Variants in ADGRL2 observed in about 807,000 individuals in gnomAD.
The protein encoded by ADGRL2 is adhesion G protein-coupled receptor L2.
In ADGRL2, 44 loss-of-function variants were observed where a neutral mutation model predicts 157.4. That is an observed-to-expected ratio of 0.28 (90% CI 0.22 to 0.36). The LOEUF (loss-of-function observed/expected upper bound fraction) is 0.36, where lower values mean the gene tolerates loss of function less well. Among genes scored for constraint, ADGRL2 ranks in the 10% least tolerant of loss-of-function variants. ADGRL2 has a pLI of 1.00. For missense variants in ADGRL2, 1,510 were observed against 1,768.9 expected (o/e 0.85, Z 2.63); for synonymous variants, 585 against 624.7 (o/e 0.94, Z 0.95).
intron 3 of ADGRL2, among the ~76,000 whole-genome samples, chr1:81,918,761 T>C (rs2094915827): frequency 6.6e-6 from 1 of 152,164 alleles, no homozygotes; most frequent in Non-Finnish European, 1.5e-5. Context: ...GAGACACTCA[T>C]AGACTATGTC....
intron 2 of ADGRL2, among the ~76,000 whole-genome samples, chr1:81,466,666 C>G (rs1378613666): frequency 1.4e-5 from 1 of 71,046 alleles, no homozygotes. Context: ...ACATCTCTCT[C>G]TCTCACGCGC....
chr1:81,494,343 G>A (rs1176396781), intron 2 of ADGRL2, among the ~76,000 whole-genome samples: 1 of 152,082 alleles, frequency 6.6e-6, no homozygotes, highest in Non-Finnish European at 1.5e-5. Context: ...TAATCTGGAG[G>A]CTCAGTCCCT....
At chr1:81,579,950 G>C (rs997873239) in intron 2 of ADGRL2, among the ~76,000 whole-genome samples, 3 of 152,006 alleles carry the variant, frequency 2.0e-5, no homozygotes, top group African/African-American at 7.3e-5. Flanking sequence ...AGGGGATACT[G>C]CATCGTTAAG....
At chr1:81,946,671 A>T (rs3790892) in intron 6 of ADGRL2, among the ~76,000 whole-genome samples, 11 of 152,246 alleles carry the variant, frequency 7.2e-5, no homozygotes, top group African/African-American at 2.6e-4. Flanking sequence ...AAAAATTTTT[A>T]TAAAGAGAGC....
At chr1:81,318,748 C>T (rs2100601988) in intron 1 of ADGRL2, among the ~76,000 whole-genome samples, 1 of 151,758 alleles carries the variant, frequency 6.6e-6, no homozygotes, top group East Asian at 1.9e-4. Flanking sequence ...AAAAGAGATC[C>T]TGTTTTATGT....
chr1:81,876,295 T>A (rs890074987), intron 2 of ADGRL2, among the ~76,000 whole-genome samples: 5 of 152,164 alleles, frequency 3.3e-5, no homozygotes, highest in Non-Finnish European at 7.4e-5. Context: ...TAAATACCTT[T>A]TATCATTTAT....
intron 1 of ADGRL2, among the ~76,000 whole-genome samples, chr1:81,363,598 A>C (rs1217462480): frequency 6.6e-6 from 1 of 152,100 alleles, no homozygotes; most frequent in Non-Finnish European, 1.5e-5. Context: ...GTCCTCCACT[A>C]TGCTGCTAAC....
At chr1:81,694,096 C>A (rs1035339640) in intron 3 of ADGRL2, among the ~76,000 whole-genome samples, 2 of 152,048 alleles carry the variant, frequency 1.3e-5, no homozygotes, top group African/African-American at 4.8e-5. Context: ...ATTTTGTACT[C>A]ACTTTGAAGA....
rs544099975 is a variant in ADGRL2, at chr1:81,677,507, G to C, written c.-142-84304G>C. ...TATTTGGGATGGGGTGCAACAAAAT[G>C]ATAGTAATATTTTCCCTTAGAAGCA... On this transcript the variant is annotated intron_variant, in intron 3 of 24. Transcript: ENST00000370721. Among the ~76,000 whole-genome samples the C allele has an allele frequency of 5.3e-5, 8 of 152,280 alleles. No homozygotes were observed. The South Asian group carries it at 1.5e-3, about 28-fold the overall frequency.
chr1:81,677,407 A>G (rs2083019485), intron 3 of ADGRL2, among the ~76,000 whole-genome samples: 1 of 152,170 alleles, frequency 6.6e-6, no homozygotes, highest in Admixed American at 6.5e-5. Flanking sequence ...AAAACCACCT[A>G]TTGTTTATGT....
chr1:81,696,707 A>C (rs974295387), upstream of ADGRL2, among the ~76,000 whole-genome samples: 1 of 152,146 alleles, frequency 6.6e-6, no homozygotes, highest in African/African-American at 2.4e-5. Context: ...AGCCAAGATC[A>C]CACCACTGCA....
At chr1:81,423,123 G>A (rs1351533188) in intron 1 of ADGRL2, among the ~76,000 whole-genome samples, 1 of 152,192 alleles carries the variant, frequency 6.6e-6, no homozygotes, top group Non-Finnish European at 1.5e-5. Flanking sequence ...GAAAATGTCA[G>A]TGTGTCATGT....
chr1:81,989,810 C>G, intron 23 of ADGRL2: 5 of 1,487,264 alleles, frequency 3.4e-6, no homozygotes, highest in Non-Finnish European at 3.6e-6. Flanking sequence ...AACATGACTT[C>G]TTTGTATCTG....
At chr1:81,606,893 T>A (rs1029195454) in intron 3 of ADGRL2, among the ~76,000 whole-genome samples, 2 of 152,262 alleles carry the variant, frequency 1.3e-5, no homozygotes, top group African/African-American at 4.8e-5. Context: ...CAAAGTCAAC[T>A]GTAGTACATT....
At chr1:81,501,118 G>A (rs2078836432) in intron 2 of ADGRL2, among the ~76,000 whole-genome samples, 1 of 152,272 alleles carries the variant, frequency 6.6e-6, no homozygotes, top group East Asian at 1.9e-4. Context: ...ACTCGCAGGG[G>A]CAAAATTACT....
At chr1:81,671,933 G>A (rs2082884135) in intron 3 of ADGRL2, among the ~76,000 whole-genome samples, 1 of 152,222 alleles carries the variant, frequency 6.6e-6, no homozygotes, top group Non-Finnish European at 1.5e-5. Context: ...GTTTGTGTGT[G>A]TACACACTGT....
chr1:81,979,336 T>A (rs1483022973), intron 17 of ADGRL2, among the ~76,000 whole-genome samples: 1 of 151,864 alleles, frequency 6.6e-6, no homozygotes, highest in Admixed American at 6.6e-5. Flanking sequence ...AACATACCTA[T>A]ATAAACTTTA....
chr1:81,865,742 A>G (rs1435922112), intron 2 of ADGRL2, among the ~76,000 whole-genome samples: 1 of 152,182 alleles, frequency 6.6e-6, no homozygotes, highest in African/African-American at 2.4e-5. Flanking sequence ...ACAATTGTCT[A>G]TGAAATCTTG....
intron 2 of ADGRL2, among the ~76,000 whole-genome samples, chr1:81,852,913 T>G (rs2093066607): frequency 6.6e-6 from 1 of 152,176 alleles, no homozygotes; most frequent in Non-Finnish European, 1.5e-5. Flanking sequence ...GTATTTAATC[T>G]GTATGAAGAT....
Sources: allele counts gnomAD v4.1 joint callset (sites outside exome capture counted in the v4.1 genomes callset), GRCh38; gene constraint gnomAD v4.1.1; transcripts MANE v1.5; gene names NCBI Gene and HGNC (gene_info 2026-07-23, HGNC 2026-07-21).